Variants in MOB3B observed in about 807,000 individuals in gnomAD.
The protein encoded by MOB3B is MOB kinase activator-like 2B.
In MOB3B, 7 loss-of-function variants were observed where a neutral mutation model predicts 18.7. The ratio of observed to expected loss-of-function variants is 0.37; its 90% CI spans 0.21 to 0.70. The LOEUF (loss-of-function observed/expected upper bound fraction) is 0.70, where lower values mean the gene tolerates loss of function less well. Ranked by LOEUF, MOB3B falls within the 30% of genes least tolerant of loss-of-function variation. MOB3B has a pLI of 0.52. For synonymous variants in MOB3B, 111 were observed against 99.9 expected, an observed-to-expected ratio of 1.11 and a Z score of -0.66; for missense variants, 253 against 281.3, an observed-to-expected ratio of 0.90 and a Z score of 0.72.
intron 3 of MOB3B, among the ~76,000 whole-genome samples, chr9:27,355,850 G>A (rs998643228): frequency 1.3e-5 from 2 of 152,146 alleles, no homozygotes; most frequent in African/African-American, 2.4e-5. Context: ...GAATATCTGA[G>A]CAACTTGAGT....
intron 2 of MOB3B, among the ~76,000 whole-genome samples, chr9:27,367,543 C>T (rs897602312): frequency 6.6e-6 from 1 of 152,160 alleles, no homozygotes; most frequent in Non-Finnish European, 1.5e-5. Context: ...TGCTAACTGC[C>T]AAAAGCCTCT....
chr9:27,453,020 T>C (rs550399181), intron 2 of MOB3B, among the ~76,000 whole-genome samples: 1 of 152,328 alleles, frequency 6.6e-6, no homozygotes, highest in South Asian at 2.1e-4. Context: ...CCTAAGAGAT[T>C]CTGATTTAGT....
At chr9:27,482,973 T>C (rs1444770110) in intron 1 of MOB3B, among the ~76,000 whole-genome samples, 1 of 151,980 alleles carries the variant, frequency 6.6e-6, no homozygotes, top group African/African-American at 2.4e-5. Context: ...TCTTATCCAC[T>C]GGAAAACATA....
At chr9:27,330,714 G>A in intron 3 of MOB3B, 98 bp from the exon 4 acceptor site, 1 of 1,523,490 alleles carries the variant, frequency 6.6e-7, no homozygotes, top group Non-Finnish European at 9.0e-7. Flanking sequence ...TCGAGAGCCT[G>A]TAAATGAAAG....
At chr9:27,453,944 G>A (rs777676166) in intron 2 of MOB3B, among the ~76,000 whole-genome samples, 2 of 152,074 alleles carry the variant, frequency 1.3e-5, no homozygotes, top group Non-Finnish European at 2.9e-5. Flanking sequence ...TTCCTCCTAT[G>A]CTGTGAACTG....
intron 1 of MOB3B, among the ~76,000 whole-genome samples, chr9:27,488,700 G>C (rs1819768704): frequency 6.6e-6 from 1 of 152,178 alleles, no homozygotes; most frequent in Non-Finnish European, 1.5e-5. Flanking sequence ...GAGCCACTGC[G>C]CCCTGCCTGG....
At position 27,512,424 on chromosome 9, in the gene MOB3B, G is replaced by T. The variant is rs1260343324; in HGVS notation, c.-199+17131C>A. Among the ~76,000 whole-genome samples the T allele has an allele frequency of 6.6e-5, 10 of 152,194 alleles. No individual in the cohort carries two copies. In the East Asian group the frequency reaches 1.4e-3, roughly 21 times the overall value. ...AATAACTAAATAATCTAAAACTAAG[G>T]TATCATTATAAACTAGGTTCTACTC... On this transcript the variant is annotated intron_variant, in intron 1 of 3. Coordinates refer to ENST00000262244, the MANE Select transcript of MOB3B (RefSeq NM_024761.5).
chr9:27,456,689 C>T (rs1217898902), intron 1 of MOB3B, among the ~76,000 whole-genome samples: 2 of 152,170 alleles, frequency 1.3e-5, no homozygotes, highest in African/African-American at 2.4e-5. Flanking sequence ...TCATCTCACA[C>T]TTTAGACAGC....
intron 2 of MOB3B, among the ~76,000 whole-genome samples, chr9:27,444,150 G>C: frequency 8.9e-6 from 1 of 112,820 alleles, no homozygotes; most frequent in Admixed American, 8.7e-5. Flanking sequence ...GAAAGAAGAA[G>C]GAAAGAAGGA....
chr9:27,342,642 T>G, intron 3 of MOB3B, among the ~76,000 whole-genome samples: 1 of 152,182 alleles, frequency 6.6e-6, no homozygotes, highest in Admixed American at 6.5e-5. Flanking sequence ...GGTTTTTGCA[T>G]TTTTTGGTGG....
At chr9:27,414,606 T>C (rs1458744783) in intron 2 of MOB3B, among the ~76,000 whole-genome samples, 1 of 152,242 alleles carries the variant, frequency 6.6e-6, no homozygotes. Context: ...TTATACTCCC[T>C]ATGGCCTTGG....
chr9:27,372,789 T>C (rs1311032710), intron 2 of MOB3B, among the ~76,000 whole-genome samples: 3 of 152,186 alleles, frequency 2.0e-5, no homozygotes, highest in Non-Finnish European at 4.4e-5. Flanking sequence ...CTAAATGTAA[T>C]GTGGTATCCT....
chr9:27,515,090 G>A (rs1231807521), intron 1 of MOB3B, among the ~76,000 whole-genome samples: 2 of 152,144 alleles, frequency 1.3e-5, no homozygotes, highest in East Asian at 1.9e-4. Flanking sequence ...CTCTTTGCTT[G>A]TAGGAAGCCC....
intron 2 of MOB3B, among the ~76,000 whole-genome samples, chr9:27,367,334 C>G (rs1207039178): frequency 6.6e-6 from 1 of 152,212 alleles, no homozygotes; most frequent in African/African-American, 2.4e-5. Flanking sequence ...CTCCTTTCAT[C>G]TCATGCAAAT....
intron 1 of MOB3B, among the ~76,000 whole-genome samples, chr9:27,474,187 A>C (rs1245722696): frequency 6.6e-6 from 1 of 152,312 alleles, no homozygotes; most frequent in East Asian, 1.9e-4. Context: ...TAATTTTATA[A>C]AGCCTTGTAT....
chr9:27,333,419 AGCCCTCCC>A (rs1820817573), intron 3 of MOB3B, among the ~76,000 whole-genome samples: 1 of 152,138 alleles, frequency 6.6e-6, no homozygotes, highest in Admixed American at 6.5e-5. Context: ...TCTTCATCAG[AGCCCTCCC>A]GCAGGCTAGC....
chr9:27,336,904 A>G (rs1208872763), intron 3 of MOB3B, among the ~76,000 whole-genome samples: 3 of 152,204 alleles, frequency 2.0e-5, no homozygotes, highest in African/African-American at 4.8e-5. Flanking sequence ...CAAATGTGAT[A>G]TTGCTGAAAA....
chr9:27,367,643 C>G (rs1821358120), intron 2 of MOB3B, among the ~76,000 whole-genome samples: 1 of 152,200 alleles, frequency 6.6e-6, no homozygotes, highest in African/African-American at 2.4e-5. Context: ...AGCAGGCACA[C>G]AGAAGGCATC....
intron 2 of MOB3B, among the ~76,000 whole-genome samples, chr9:27,368,581 A>G (rs1335568004): frequency 6.6e-6 from 1 of 152,164 alleles, no homozygotes; most frequent in African/African-American, 2.4e-5. Flanking sequence ...AAGAGAAAAC[A>G]AAGTCCCCAA....
Sources: allele counts gnomAD v4.1 joint callset (sites outside exome capture counted in the v4.1 genomes callset), GRCh38; gene constraint gnomAD v4.1.1; transcripts MANE v1.5; gene names NCBI Gene and HGNC (gene_info 2026-07-23, HGNC 2026-07-21).